Variants in CNGA3 observed in about 807,000 individuals in gnomAD.
CNGA3 encodes cyclic nucleotide-gated channel alpha-3.
Under a neutral mutation model 46.6 loss-of-function variants are expected in CNGA3, and 42 were observed. That is an observed-to-expected ratio of 0.90 (90% confidence interval 0.70 to 1.17). The LOEUF is 1.17. Ranked by LOEUF, CNGA3 falls within the 50% of genes most tolerant of loss-of-function variation. The pLI, the probability that CNGA3 is intolerant of heterozygous loss-of-function variation, is 0.00. For synonymous variants in CNGA3, 394 were observed against 369.4 expected, an observed-to-expected ratio of 1.07 and a Z score of -0.76; for missense variants, 893 against 890.7, an observed-to-expected ratio of 1.00 and a Z score of -0.03.
At chr2:98,352,318 G>T (rs1040076061) in intron 1 of CNGA3, among the ~76,000 whole-genome samples, 2 of 152,100 alleles carry the variant, frequency 1.3e-5, no homozygotes, top group African/African-American at 4.8e-5. Context: ...TCCACTTAGG[G>T]CTACTGTAAA....
chr2:98,386,934 T>C (rs1357371363), intron 5 of CNGA3, among the ~76,000 whole-genome samples: 1 of 152,224 alleles, frequency 6.6e-6, no homozygotes, highest in Non-Finnish European at 1.5e-5. Flanking sequence ...CTCTGGGGGA[T>C]GGCAGCCCTG....
At position 98,396,819 on chromosome 2, in the gene CNGA3, T is replaced by C; in HGVS notation, c.1649T>C (p.Ile550Thr). The C allele has an allele frequency of 6.2e-7, 1 of 1,613,918 alleles. No individual in the cohort carries two copies. The highest frequency in any genetic ancestry group is 8.5e-7 in the Non-Finnish European group (1 of 1,179,992). Residue 550 changes from isoleucine (I) to threonine (T), a missense_variant, in exon 8 of 8, where the codon ATC becomes ACC. This residue lies in a region of CNGA3 where 548 missense variants were observed against 570.8 expected (regional missense o/e 0.96). Coordinates refer to ENST00000272602, the MANE Select transcript of CNGA3 (RefSeq NM_001298.3). Reference protein sequence around the residue: ...VLSDGSYFGEISILNIKGSKS... With the variant: ...VLSDGSYFGETSILNIKGSKS... ...AGCGATGGCAGCTACTTCGGGGAGATCAGCATTCTGAACATCAAGGGGAGC... is the reference window on the plus strand; with the variant it reads ...AGCGATGGCAGCTACTTCGGGGAGACCAGCATTCTGAACATCAAGGGGAGC...
intron 1 of CNGA3, among the ~76,000 whole-genome samples, chr2:98,347,528 C>G (rs750971971): frequency 5.9e-5 from 9 of 152,222 alleles, no homozygotes; most frequent in Non-Finnish European, 8.8e-5. Flanking sequence ...CTTCGGCCCT[C>G]TGCAGCGGGG....
intron 1 of CNGA3, among the ~76,000 whole-genome samples, chr2:98,353,120 G>A (rs1161437011): frequency 1.3e-5 from 2 of 152,036 alleles, no homozygotes; most frequent in Admixed American, 6.6e-5. Context: ...GAAAAAATGG[G>A]GTTTTTCCAT....
At chr2:98,368,799 G>A (rs1692220484) in intron 1 of CNGA3, among the ~76,000 whole-genome samples, 1 of 152,184 alleles carries the variant, frequency 6.6e-6, no homozygotes, top group Non-Finnish European at 1.5e-5. Context: ...AGTGCTGATT[G>A]GCTGGCTTAG....
At chr2:98,367,160 A>T (rs1252252336) in intron 1 of CNGA3, among the ~76,000 whole-genome samples, 1 of 126,964 alleles carries the variant, frequency 7.9e-6, no homozygotes, top group Admixed American at 8.4e-5. Context: ...AACCTCTGAC[A>T]TCAGCTGTTT....
chr2:98,389,118 C>G (rs1692725448), intron 5 of CNGA3, among the ~76,000 whole-genome samples: 1 of 152,238 alleles, frequency 6.6e-6, no homozygotes, highest in South Asian at 2.1e-4. Flanking sequence ...GGAAATGAGC[C>G]TTTACATCGT....
rs1368143471 is a variant in CNGA3, at chr2:98,389,672, A to G, written c.464A>G (p.Lys155Arg). The stretch of plus-strand genomic sequence containing the variant: ...TGGGTTTCCAGGAAGAAGACGAAAA[A>G]GAAGGATGCGATCGTGGTGGACCCG... Reference protein sequence around the residue: ...NNTEEEKKTKKKDAIVVDPSS... With the variant: ...NNTEEEKKTKRKDAIVVDPSS... The change falls in exon 6 of 8, where the codon AAG becomes AGG. Residue 155 changes from lysine to arginine, a missense_variant. Transcript: ENST00000272602. The G allele has an allele frequency of 1.2e-6, 2 of 1,613,874 alleles. No homozygotes were observed. Among genetic ancestry groups the G allele is most frequent in the Admixed American group, 1.7e-5 (1 of 60,012 alleles).
chr2:98,397,019 G>T lies in CNGA3; in HGVS notation c.1849G>T (p.Ala617Ser). The T allele has an allele frequency of 1.2e-6, 2 of 1,613,970 alleles. No individual in the cohort carries two copies. Among genetic ancestry groups the T allele is most frequent in the Non-Finnish European group, 1.7e-6 (2 of 1,179,926 alleles). The change falls in exon 8 of 8, where the codon GCC becomes TCC. Residue 617 changes from alanine (A) to serine (S), a missense_variant. By Grantham distance (99) the Ala-to-Ser change is moderately conservative. This residue lies in a region of CNGA3 where 548 missense variants were observed against 570.8 expected (regional missense o/e 0.96). Transcript: ENST00000272602. ...MKDNLIDEEL[A>S]RAGADPKDLE... ...AGACAACCTGATCGATGAGGAGCTGGCCAGGGCGGGCGCGGACCCCAAGGA... is the reference window on the plus strand; with the variant it reads ...AGACAACCTGATCGATGAGGAGCTGTCCAGGGCGGGCGCGGACCCCAAGGA...
intron 1 of CNGA3, among the ~76,000 whole-genome samples, chr2:98,368,193 T>C (rs567237961): frequency 6.6e-6 from 1 of 152,352 alleles, no homozygotes; most frequent in East Asian, 1.9e-4. Context: ...GCTGAGCCGA[T>C]GGCTGCCCTT....
At chr2:98,366,312 C>T (rs557297682) in intron 1 of CNGA3, among the ~76,000 whole-genome samples, 1 of 152,290 alleles carries the variant, frequency 6.6e-6, no homozygotes, top group Admixed American at 6.5e-5. Context: ...GACCTGATGC[C>T]GGCAAGAACG....
Position 98,395,714 on chromosome 2 carries a change from T to TATATAA in CNGA3, c.674-130_674-129insATATAA, listed in dbSNP as rs1390794367. 7 of 749,408 alleles carry TATATAA rather than the reference T, an allele frequency of 9.3e-6. No homozygotes were observed. In the East Asian group the frequency reaches 1.9e-4, roughly 20 times the overall value. 46.4% of individuals were successfully genotyped at this position (749,408 alleles called of 1,614,324 possible). A position where few individuals can be genotyped will look rare whatever the true frequency, so the allele number is the denominator to read the frequency against. ...TCCTGTAGTAATGGTAAGTGTTGTT[T>TATATAA]TTGAAATCATTTCTATTATATATGT... On this transcript the variant is annotated intron_variant, in intron 7 of 7. Coordinates refer to ENST00000272602, the MANE Select transcript of CNGA3 (RefSeq NM_001298.3).
intron 5 of CNGA3, among the ~76,000 whole-genome samples, chr2:98,388,331 G>T (rs1319565835): frequency 6.6e-6 from 1 of 152,230 alleles, no homozygotes; most frequent in African/African-American, 2.4e-5. Context: ...ACACGAGGAG[G>T]AAGTACTGAA....
chr2:98,370,034 C>T lies in CNGA3; in HGVS notation c.59C>T (p.Thr20Ile), dbSNP rs143489966. Residue 20 changes from threonine to isoleucine, a missense_variant, in exon 2 of 8, where the codon ACC (threonine) becomes ATC (isoleucine). Physicochemically the swap from Thr to Ile is moderately conservative, Grantham distance 89 (BLOSUM62 -1). This residue lies in a region of CNGA3 where 333 missense variants were observed against 290.8 expected (regional missense o/e 1.15). Coordinates refer to ENST00000272602, the MANE Select transcript of CNGA3 (RefSeq NM_001298.3). ...TCCAGGACCCACCTCAAGGTAAAGACCTCAGACCGAGATCTCAATCGCGCT... is the reference window on the plus strand; with the variant it reads ...TCCAGGACCCACCTCAAGGTAAAGATCTCAGACCGAGATCTCAATCGCGCT... ...HPSRTHLKVK[T>I]SDRDLNRAEN... The T allele has an allele frequency of 5.8e-4, 930 of 1,614,024 alleles. 10 individuals carry two copies. The South Asian group carries it at 9.5e-3, about 17-fold the overall frequency.
intron 1 of CNGA3, among the ~76,000 whole-genome samples, chr2:98,365,399 C>G (rs373990448): frequency 6.7e-6 from 1 of 148,982 alleles, no homozygotes; most frequent in South Asian, 2.1e-4. Context: ...TTGATCTTCT[C>G]ATGGAGTACC....
At chr2:98,388,192 C>T (rs1692699103) in intron 5 of CNGA3, among the ~76,000 whole-genome samples, 3 of 152,208 alleles carry the variant, frequency 2.0e-5, no homozygotes, top group African/African-American at 7.2e-5. Flanking sequence ...CTCTCCGGGA[C>T]GCAGCAGCCT....
chr2:98,383,237 A>C (rs112685003), intron 4 of CNGA3, 151 bp from the exon 5 acceptor site: 14,522 of 769,056 alleles, frequency 0.019, 186 homozygotes, highest in Non-Finnish European at 0.024. Flanking sequence ...GGCCTTGACA[A>C]TACCACCCCG....
chr2:98,350,004 C>T (rs948456167), intron 1 of CNGA3, among the ~76,000 whole-genome samples: 4 of 152,222 alleles, frequency 2.6e-5, no homozygotes, highest in African/African-American at 9.7e-5. Flanking sequence ...CCAAGGAAAA[C>T]TCTTTCCTGA....
intron 2 of CNGA3, among the ~76,000 whole-genome samples, chr2:98,370,618 G>C (rs1692263551): frequency 6.6e-6 from 1 of 152,194 alleles, no homozygotes; most frequent in South Asian, 2.1e-4. Flanking sequence ...CCTGACACAG[G>C]TAGGAAATGG....
Sources: gnomAD v4.1 joint callset for allele counts (sites outside exome capture counted in the v4.1 genomes callset) on GRCh38, gnomAD v4.1.1 for gene constraint, gnomAD v4.1.1 regional missense constraint, MANE v1.5 for transcripts, NCBI Gene and HGNC (gene_info 2026-07-23, HGNC 2026-07-21) for gene names.